Variants in COL5A1 observed in about 807,000 individuals in gnomAD.
The protein encoded by COL5A1 is collagen alpha-1(V) chain.
A neutral mutation model predicts 263.7 loss-of-function variants in COL5A1; 16 were observed. That is an observed-to-expected ratio of 0.06 (90% CI 0.04 to 0.09). The LOEUF (loss-of-function observed/expected upper bound fraction) is 0.09. Among genes scored for constraint, COL5A1 ranks in the 10% least tolerant of loss-of-function variants. The pLI is 1.00. For missense variants in COL5A1, 2,036 were observed against 2,540.5 expected (o/e 0.80, Z 4.27); for synonymous variants, 1,012 against 1,004.5 (o/e 1.01, Z -0.14).
chr9:134,787,189 A>C (rs2132778671), intron 31 of COL5A1, among the ~76,000 whole-genome samples: 1 of 152,270 alleles, frequency 6.6e-6, no homozygotes, highest in African/African-American at 2.4e-5. Context: ...GAAAGAAGAG[A>C]AGTTTGGGAA....
intron 14 of COL5A1, 42 bp from the exon 15 acceptor site, chr9:134,753,800 TCTCGAGTC>T: frequency 1.4e-6 from 2 of 1,388,904 alleles, no homozygotes; most frequent in Non-Finnish European, 2.0e-6. Flanking sequence ...CTTCCTGTGT[TCTCGAGTC>T]CCCACCTCGA....
In COL5A1 at chr9:134,708,101, G is replaced by A. The variant is rs114377124; in HGVS notation, c.654+6768G>A. ...AGAGGACTGGGGAGGTGTCCGGGGA[G>A]GGAGGGCTTTCCCCGCCTTGGAAGC... On this transcript the variant is annotated intron_variant, in intron 4 of 65. Transcript: ENST00000371817. Among the ~76,000 whole-genome samples, 1,131 of 152,314 alleles carry A rather than the reference G, an allele frequency of 7.4e-3. 15 individuals are homozygous for A. Among genetic ancestry groups the A allele is most frequent in the African/African-American group, 0.026 (1,096 of 41,570 alleles).
At position 134,804,956 on chromosome 9, in the gene COL5A1, T is replaced by C. The variant is rs753103074; in HGVS notation, c.3115-19T>C. On this transcript the variant is annotated intron_variant, in intron 39 of 65. Coordinates refer to ENST00000371817, the MANE Select transcript of COL5A1 (RefSeq NM_000093.5). ...GCGTCACTGGCTCCAGGAAAGCTCA[T>C]CTCTGACTCTGTTTTCAGGGTGACC... The C allele has an allele frequency of 1.2e-6, 2 of 1,608,224 alleles. No homozygotes were observed. The highest frequency in any genetic ancestry group is 2.2e-5 in the South Asian group (2 of 90,964).
At position 134,812,496 on chromosome 9, in the gene COL5A1, C is replaced by T; in HGVS notation, c.3738C>T (p.Gly1246=). 6.2e-7 allele frequency: 1 copy of T among 1,614,060 alleles called. No individual in the cohort carries two copies. The highest frequency in any genetic ancestry group is 1.1e-5 in the South Asian group (1 of 91,078). The change falls in exon 47 of 66, where the codon GGC becomes GGT. Residue 1246 remains glycine, a synonymous_variant. Coordinates refer to ENST00000371817, the MANE Select transcript of COL5A1 (RefSeq NM_000093.5). ...AGAAGGGTGAGACAGGAGACGTGGG[C>T]CAGATGGTAAGTGTGCCTGAGACTC... ...PGEKGETGDV[G]QMGPPGPPGP... is the part of the protein sequence containing the mutation.
intron 34 of COL5A1, 86 bp downstream of exon 34, chr9:134,795,401 AC>A (rs1837868548): frequency 9.2e-7 from 1 of 1,087,918 alleles, no homozygotes; most frequent in Admixed American, 2.5e-5. Context: ...GGTGTCTGTG[AC>A]CTTTTTTATT....
intron 1 of COL5A1, among the ~76,000 whole-genome samples, chr9:134,658,662 A>G (rs1411240777): frequency 1.3e-5 from 2 of 152,218 alleles, no homozygotes; most frequent in Middle Eastern, 3.4e-3. Flanking sequence ...GTCTTAATGG[A>G]AGCCGACGCC....
chr9:134,648,052 G>T (rs1242925376), intron 1 of COL5A1, among the ~76,000 whole-genome samples: 1 of 152,080 alleles, frequency 6.6e-6, no homozygotes, highest in African/African-American at 2.4e-5. Context: ...AATCGGGAGG[G>T]CACAATCTAA....
rs200103526 is a variant in COL5A1, at chr9:134,811,831, C to A, written c.3690+232C>A. On this transcript the variant is annotated intron_variant, in intron 46 of 65. Transcript: ENST00000371817. ...TTTATTTCTGTGCTCATTGTGGAAA[C>A]TGATGATTCGTGAGAAACATAGTAA... Among the ~76,000 whole-genome samples, 10 of 152,340 alleles carry A rather than the reference C, an allele frequency of 6.6e-5. No individual in the cohort carries two copies. In the East Asian group the frequency reaches 1.5e-3, roughly 23 times the overall value.
intron 25 of COL5A1, 148 bp downstream of exon 25, chr9:134,768,611 G>T: frequency 8.1e-6 from 6 of 738,590 alleles, no homozygotes; most frequent in Non-Finnish European, 1.4e-5. Context: ...GTCTCCAGTT[G>T]GACTGCTCGG....
Position 134,814,892 on chromosome 9 carries a change from C to G in COL5A1, c.4002C>G (p.Pro1334=). 1 of 1,550,720 alleles carries G rather than the reference C, an allele frequency of 6.4e-7. No individual in the cohort carries two copies. The change falls in exon 50 of 66, where the codon CCC becomes CCG. Residue 1334 remains proline (P), a synonymous_variant. Coordinates refer to ENST00000371817, the MANE Select transcript of COL5A1 (RefSeq NM_000093.5). ...AAGGCCCTCCCGGAGATGATGGTCC[C>G]AAAGGCAGCCCTGTGAGTATTCCAG... ...GPKGPPGDDG[P]KGSPGPVGFP... is the part of the protein sequence containing the mutation.
At chr9:134,717,161 G>A (rs1368060680) in intron 4 of COL5A1, among the ~76,000 whole-genome samples, 3 of 152,150 alleles carry the variant, frequency 2.0e-5, no homozygotes, top group South Asian at 2.1e-4. Context: ...TCCTACGTGC[G>A]CAGCGCTAAG....
At chr9:134,743,772 C>T (rs185333225) in intron 11 of COL5A1, among the ~76,000 whole-genome samples, 3 of 152,336 alleles carry the variant, frequency 2.0e-5, no homozygotes, top group Non-Finnish European at 2.9e-5. Flanking sequence ...ACCTTCTCCC[C>T]CTCTTTTTTA....
In COL5A1 at chr9:134,677,879, G is replaced by A. The variant is rs1160587295; in HGVS notation, c.110-13033G>A. Among the ~76,000 whole-genome samples, 1 of 152,230 alleles carries A rather than the reference G, an allele frequency of 6.6e-6. No individual in the cohort carries two copies. The highest frequency in any genetic ancestry group is 1.5e-5 in the Non-Finnish European group (1 of 68,038). ...AACGCCCCATGGCATGGTTCCACGG[G>A]AGGGGCATCTTCTGCCTGGCCCTTG... On this transcript the variant is annotated intron_variant, in intron 1 of 65. Transcript: ENST00000371817. The surrounding 1 kb of genome is among the most constrained non-coding windows in gnomAD (Gnocchi z 4.4).
At chr9:134,773,666 G>A (rs1416202312) in intron 26 of COL5A1, among the ~76,000 whole-genome samples, 1 of 152,310 alleles carries the variant, frequency 6.6e-6, no homozygotes, top group South Asian at 2.1e-4. Context: ...TCTGGGGCCT[G>A]GTCCCAGCTC....
At chr9:134,831,958 C>A (rs1482412726) in intron 64 of COL5A1, among the ~76,000 whole-genome samples, 2 of 152,128 alleles carry the variant, frequency 1.3e-5, no homozygotes, top group African/African-American at 4.8e-5. Flanking sequence ...TAGATGGGGG[C>A]CTCTCAAAGA....
intron 9 of COL5A1, among the ~76,000 whole-genome samples, chr9:134,733,151 C>T (rs532243818): frequency 2.6e-5 from 4 of 152,202 alleles, no homozygotes; most frequent in Non-Finnish European, 4.4e-5. Flanking sequence ...GCTCAGGATA[C>T]ACCTTGGGTC....
At chr9:134,709,976 C>T (rs1247583596) in intron 4 of COL5A1, among the ~76,000 whole-genome samples, 3 of 152,092 alleles carry the variant, frequency 2.0e-5, no homozygotes, top group Admixed American at 1.3e-4. Flanking sequence ...CCCACCTGAG[C>T]GGAGGAGCTG....
chr9:134,839,223 C>G (rs1839943206), intron 65 of COL5A1, among the ~76,000 whole-genome samples: 1 of 152,224 alleles, frequency 6.6e-6, no homozygotes, highest in African/African-American at 2.4e-5. Flanking sequence ...AGGGCCCAGG[C>G]ACCCCGCCGC....
intron 48 of COL5A1, among the ~76,000 whole-genome samples, chr9:134,813,005 G>A (rs1327872758): frequency 2.0e-5 from 3 of 152,102 alleles, no homozygotes; most frequent in Admixed American, 2.0e-4. Context: ...ATTTCCAGAC[G>A]ATGCCCCACC....
Sources: allele counts gnomAD v4.1 joint callset (sites outside exome capture counted in the v4.1 genomes callset), GRCh38; gene constraint gnomAD v4.1.1; non-coding constraint Gnocchi (gnomAD v3.1); transcripts MANE v1.5; gene names NCBI Gene and HGNC (gene_info 2026-07-23, HGNC 2026-07-21).